The following VIPAS39 variants were observed in gnomAD, a reference collection of about 807,000 sequenced individuals.
VIPAS39 encodes the protein spermatogenesis-defective protein 39 homolog.
In VIPAS39, 63 loss-of-function variants were observed where a neutral mutation model predicts 84.7. The ratio of observed to expected loss-of-function variants is 0.74; its 90% CI spans 0.61 to 0.92. The LOEUF is 0.92. Among genes scored for constraint, VIPAS39 ranks in the 40% least tolerant of loss-of-function variants. The pLI, the probability that VIPAS39 is intolerant of heterozygous loss-of-function variation, is 0.00. For missense variants in VIPAS39, 499 were observed against 604.5 expected, an observed-to-expected ratio of 0.83 and a Z score of 1.83; for synonymous variants, 192 against 216.5, an observed-to-expected ratio of 0.89 and a Z score of 0.99.
At chr14:77,450,792 G>A (rs1175305150) in intron 4 of VIPAS39, among the ~76,000 whole-genome samples, 1 of 152,210 alleles carries the variant, frequency 6.6e-6, no homozygotes, top group Non-Finnish European at 1.5e-5. Context: ...TTACAGGCGT[G>A]AGCCACCACG....
intron 3 of VIPAS39, 88 bp from the exon 4 acceptor site, chr14:77,451,421 C>A (rs2078879887): frequency 6.2e-7 from 1 of 1,605,444 alleles, no homozygotes; most frequent in African/African-American, 1.3e-5. Context: ...AAGCTTTTCA[C>A]CAGAAGCCCT....
At position 77,444,307 on chromosome 14, in the gene VIPAS39, T is replaced by C; in HGVS notation, c.539A>G (p.Asp180Gly). The change falls in exon 8 of 20, where the codon GAC becomes GGC. Residue 180 changes from aspartate (D) to glycine (G), a missense_variant. Physicochemically the swap from Asp to Gly is moderately conservative, Grantham distance 94. Coordinates refer to ENST00000557658, the MANE Select transcript of VIPAS39 (RefSeq NM_001193315.2). ...CSLERFRSLQ[D>G]KLQLLEEAVS... ...TGCCTCTTCTAGGAGTTGTAGTTTGTCCTGTAAGGAGCGGAATCTCTCTAG... is the reference window on the plus strand; with the variant it reads ...TGCCTCTTCTAGGAGTTGTAGTTTGCCCTGTAAGGAGCGGAATCTCTCTAG... 6.2e-7 allele frequency: 1 copy of C among 1,613,860 alleles called. No homozygotes were observed. Among genetic ancestry groups the C allele is most frequent in the Non-Finnish European group, 8.5e-7 (1 of 1,179,802 alleles).
Position 77,428,465 on chromosome 14 carries a change from C to A in VIPAS39, c.1366G>T (p.Asp456Tyr). 3.1e-6 allele frequency: 5 copies of A among 1,613,890 alleles called. No individual in the cohort carries two copies. Among genetic ancestry groups the A allele is most frequent in the Non-Finnish European group, 4.2e-6 (5 of 1,179,948 alleles). Residue 456 changes from aspartate to tyrosine, a missense_variant, in exon 19 of 20, where the codon GAC (aspartate) becomes TAC (tyrosine). Coordinates refer to ENST00000557658, the MANE Select transcript of VIPAS39 (RefSeq NM_001193315.2). ...CHDVVIDTYR[D>Y]LKDRQQLLAY... Reference sequence around the variant, plus strand: ...AGCAACTGTTGACGATCCTTCAGGTCCCGGTAGGTCTGTGCATCAAAACAA... The same window carrying A: ...AGCAACTGTTGACGATCCTTCAGGTACCGGTAGGTCTGTGCATCAAAACAA...
chr14:77,451,728 G>C (rs923689568), intron 3 of VIPAS39, among the ~76,000 whole-genome samples: 1 of 152,090 alleles, frequency 6.6e-6, no homozygotes, highest in Non-Finnish European at 1.5e-5. Flanking sequence ...CTACCCTCCA[G>C]AGGCACACAC....
chr14:77,433,138 T>G (rs982921385), intron 16 of VIPAS39, among the ~76,000 whole-genome samples: 2 of 152,268 alleles, frequency 1.3e-5, no homozygotes, highest in South Asian at 4.1e-4. Context: ...CTAATTTAAA[T>G]ATGGACCATG....
chr14:77,437,262 G>A (rs1276206120), intron 12 of VIPAS39, among the ~76,000 whole-genome samples: 3 of 152,158 alleles, frequency 2.0e-5, no homozygotes, highest in Admixed American at 1.3e-4. Flanking sequence ...AATAACGAAG[G>A]TTGTTCAAAA....
In VIPAS39 at chr14:77,451,281, C is replaced by T. The variant is rs1161238109; in HGVS notation, c.249G>A (p.Glu83=). ...TTCGGCTCTTTAGCTGTTCACGCCC[C>T]TCGTGGGTTGAGCCGCTATTACCAG... ...ETAGNSGSTH[E]GREQLKSRNS... The change falls in exon 4 of 20, where the codon GAG becomes GAA. Residue 83 remains glutamate (E), a synonymous_variant. Coordinates refer to ENST00000557658, the MANE Select transcript of VIPAS39 (RefSeq NM_001193315.2). The T allele has an allele frequency of 1.9e-6, 3 of 1,614,098 alleles. No homozygotes were observed. Among genetic ancestry groups the T allele is most frequent in the Admixed American group, 1.7e-5 (1 of 60,008 alleles).
intron 11 of VIPAS39, among the ~76,000 whole-genome samples, chr14:77,438,782 C>T (rs2078655254): frequency 6.6e-6 from 1 of 152,130 alleles, no homozygotes; most frequent in African/African-American, 2.4e-5. Context: ...AAATATCTAA[C>T]AATTAACATC....
intron 14 of VIPAS39, among the ~76,000 whole-genome samples, chr14:77,434,776 G>A (rs1185615372): frequency 6.6e-6 from 1 of 151,652 alleles, no homozygotes; most frequent in Admixed American, 6.6e-5. Flanking sequence ...GCGCACACCT[G>A]TGATCCCAGC....
intron 8 of VIPAS39, among the ~76,000 whole-genome samples, chr14:77,443,991 T>C (rs1486893486): frequency 4.1e-5 from 6 of 147,012 alleles, no homozygotes; most frequent in Admixed American, 1.4e-4. Flanking sequence ...CAGCGAGCCA[T>C]CATCACACCA....
At chr14:77,428,005 T>C (rs558557361) in intron 19 of VIPAS39, among the ~76,000 whole-genome samples, 1 of 152,338 alleles carries the variant, frequency 6.6e-6, no homozygotes, top group South Asian at 2.1e-4. Context: ...CACCCACTTC[T>C]TATTTTCAAC....
intron 7 of VIPAS39, among the ~76,000 whole-genome samples, chr14:77,445,677 G>A (rs754368822): frequency 1.4e-4 from 22 of 152,182 alleles, no homozygotes; most frequent in African/African-American, 5.1e-4. Flanking sequence ...AGTGGCTCAC[G>A]CATATAATCC....
rs200598365 is a variant in VIPAS39, at chr14:77,429,721, C to T, written c.1226G>A (p.Arg409Gln). 3.7e-6 allele frequency: 6 copies of T among 1,614,158 alleles called. No individual in the cohort carries two copies. The highest frequency in any genetic ancestry group is 1.3e-5 in the African/African-American group (1 of 75,028). ...GTTCTTGTGCAAAATTTCGACAACC[C>T]GATGGAAGCCAATGGGTGCTCTCTT... Reference protein sequence around the residue: ...TKKRAPIGFHRVVEILHKNNA... With the variant: ...TKKRAPIGFHQVVEILHKNNA... The change falls in exon 17 of 20, where the codon CGG (arginine) becomes CAG (glutamine). Residue 409 changes from arginine (R) to glutamine (Q), a missense_variant. Arg to Gln is a conservative substitution (Grantham distance 43, BLOSUM62 1). Coordinates refer to ENST00000557658, the MANE Select transcript of VIPAS39 (RefSeq NM_001193315.2).
Position 77,435,931 on chromosome 14 carries a change from C to G in VIPAS39, c.837-12G>C, listed in dbSNP as rs539368824. ...CTGAAAATGGCAAACTGGTAGAGTG[C>G]CAGAAGGTTAGTACCTTTCTCTATT... is the stretch of plus-strand genomic sequence containing the variant. On this transcript the variant is annotated splice_polypyrimidine_tract_variant and intron_variant, in intron 12 of 19. Transcript: ENST00000557658. The G allele has an allele frequency of 6.2e-7, 1 of 1,613,940 alleles. No homozygotes were observed. The highest frequency in any genetic ancestry group is 8.5e-7 in the Non-Finnish European group (1 of 1,179,864).
chr14:77,451,551 A>G (rs1212352514), intron 3 of VIPAS39, among the ~76,000 whole-genome samples: 1 of 152,210 alleles, frequency 6.6e-6, no homozygotes, highest in Non-Finnish European at 1.5e-5. Flanking sequence ...TCTTCAACAT[A>G]TGAAAAGATG....
At chr14:77,449,622 G>T (rs2078851087) in intron 5 of VIPAS39, 92 bp downstream of exon 5, 1 of 1,506,570 alleles carries the variant, frequency 6.6e-7, no homozygotes, top group Non-Finnish European at 9.2e-7. Flanking sequence ...AGTTCATCTT[G>T]TCATCTAATT....
At chr14:77,441,347 C>G (rs1021772310) in intron 10 of VIPAS39, among the ~76,000 whole-genome samples, 3 of 149,710 alleles carry the variant, frequency 2.0e-5, no homozygotes, top group Non-Finnish European at 3.0e-5. Flanking sequence ...GCCACCTACT[C>G]TAGCCCACAG....
intron 16 of VIPAS39, 26 bp downstream of exon 16, chr14:77,433,816 C>G: frequency 6.2e-7 from 1 of 1,611,596 alleles, no homozygotes; most frequent in Non-Finnish European, 8.5e-7. Context: ...CCCAAGGCCT[C>G]AGCAGCACAG....
chr14:77,436,012 C>T, intron 12 of VIPAS39, 93 bp from the exon 13 acceptor site: 1 of 1,211,270 alleles, frequency 8.3e-7, no homozygotes. Flanking sequence ...ATAAGAGGCT[C>T]ACGGTGCCTC....
Sources: allele counts gnomAD v4.1 joint callset (sites outside exome capture counted in the v4.1 genomes callset), GRCh38; gene constraint gnomAD v4.1.1; transcripts MANE v1.5; gene names NCBI Gene and HGNC (gene_info 2026-07-23, HGNC 2026-07-21).